GRIN2D: variants seen among roughly 807,000 people sequenced by gnomAD.
GRIN2D encodes the protein glutamate ionotropic receptor NMDA type subunit 2D, also known as glutamate receptor ionotropic, NMDA 2D.
Under a neutral mutation model 103.2 loss-of-function variants are expected in GRIN2D, and 37 were observed. That is an observed-to-expected ratio of 0.36 (90% CI 0.28 to 0.47). The LOEUF is 0.47. Ranked by LOEUF, GRIN2D falls within the 20% of genes least tolerant of loss-of-function variation. The pLI, the probability that GRIN2D is intolerant of heterozygous loss-of-function variation, is 1.00. For missense variants in GRIN2D, 1,557 were observed against 1,910.6 expected (o/e 0.81, Z 3.45); for synonymous variants, 845 against 885.6 (o/e 0.95, Z 0.81).
intron 2 of GRIN2D, among the ~76,000 whole-genome samples, chr19:48,396,898 C>G (rs1365395376): frequency 2.6e-5 from 4 of 152,102 alleles, no homozygotes; most frequent in Admixed American, 2.6e-4. Flanking sequence ...GCCCCTAGTG[C>G]GGACTCCAGT....
intron 11 of GRIN2D, among the ~76,000 whole-genome samples, chr19:48,433,001 G>T (rs1971177298): frequency 6.8e-6 from 1 of 148,110 alleles, no homozygotes; most frequent in Non-Finnish European, 1.5e-5. Flanking sequence ...ATGTTGGCCA[G>T]GCTGGTCTTG....
At chr19:48,429,834 C>T (rs1459497567) in intron 11 of GRIN2D, among the ~76,000 whole-genome samples, 2 of 151,694 alleles carry the variant, frequency 1.3e-5, no homozygotes, top group Non-Finnish European at 2.9e-5. Context: ...ACCAGGATTA[C>T]GGGCACGAGC....
intron 3 of GRIN2D, 76 bp downstream of exon 3, chr19:48,398,933 G>T (rs1970677162): frequency 8.2e-6 from 10 of 1,216,576 alleles, no homozygotes; most frequent in Admixed American, 4.3e-5. Context: ...GGGACAGCCA[G>T]CGGGGGCGGG....
chr19:48,419,402 CCA>C lies in GRIN2D; in HGVS notation c.1861+46_1861+47del, dbSNP rs772829796. Reference sequence around the variant, plus strand: ...CATCCCCCGCCTCGGAGATCCCGAACCACAGAGACAGAGAACTACATTTCCCA... The same window carrying C: ...CATCCCCCGCCTCGGAGATCCCGAACCAGAGACAGAGAACTACATTTCCCA... On this transcript the variant is annotated intron_variant, in intron 9 of 13. Transcript: ENST00000263269. 109 of 1,577,438 alleles carry C rather than the reference CCA, an allele frequency of 6.9e-5. No homozygotes were observed. The African/African-American group carries it at 8.9e-4, about 13-fold the overall frequency.
rs1436896466 is a variant in GRIN2D, at chr19:48,393,705, T to C, written c.-469T>C. On this transcript the variant is annotated 5_prime_UTR_variant, in exon 1 of 14. Transcript: ENST00000263269. The surrounding 1 kb of genome is among the most constrained non-coding windows in gnomAD (Gnocchi z 5.6). ...TGTGTGTGTGCGAGAACACAGCGAG[T>C]GTGTGAGTCCCTCCCGCTCCAGCTC... is the stretch of plus-strand genomic sequence containing the variant. Among the ~76,000 whole-genome samples the C allele has an allele frequency of 6.6e-6, 1 of 151,242 alleles. No individual in the cohort carries two copies. Among genetic ancestry groups the C allele is most frequent in the Non-Finnish European group, 1.5e-5 (1 of 67,814 alleles).
intron 8 of GRIN2D, among the ~76,000 whole-genome samples, chr19:48,417,198 C>T (rs998455772): frequency 2.0e-5 from 3 of 152,136 alleles, no homozygotes; most frequent in Non-Finnish European, 4.4e-5. Context: ...CAAGATGGCA[C>T]CACCGCACTC....
rs1292414095 is a variant in GRIN2D at position 48,405,849 on chromosome 19, A to G, written c.1085+496A>G. Among the ~76,000 whole-genome samples, 1 of 152,190 alleles carries G rather than the reference A, an allele frequency of 6.6e-6. No individual in the cohort carries two copies. Among genetic ancestry groups the G allele is most frequent in the Non-Finnish European group, 1.5e-5 (1 of 68,032 alleles). ...AGACTGCTGTTCCATGTGATCATTC[A>G]GGGACCCAGGATTCTCCCACACTGT... On this transcript the variant is annotated intron_variant, in intron 4 of 13. Coordinates refer to ENST00000263269, the MANE Select transcript of GRIN2D (RefSeq NM_000836.4). This position sits in a 1 kb window ranked among gnomAD's most constrained non-coding sequence, Gnocchi z 5.1.
chr19:48,404,117 A>G (rs1024938135), intron 3 of GRIN2D, among the ~76,000 whole-genome samples: 21 of 152,084 alleles, frequency 1.4e-4, no homozygotes, highest in Non-Finnish European at 2.9e-4. Flanking sequence ...GCGCACGCCT[A>G]TAGTCCCAGC....
In GRIN2D at chr19:48,398,601, G is replaced by A. The variant is rs1970671133; in HGVS notation, c.209G>A (p.Gly70Asp). The change falls in exon 3 of 14, where the codon GGC (glycine) becomes GAC (aspartate). Residue 70 changes from glycine to aspartate, a missense_variant. This residue lies in a region of GRIN2D where 490 missense variants were observed against 601.1 expected (regional missense o/e 0.82). Transcript: ENST00000263269. ...PAYAAEAARL[G>D]PAVAAAVRSP... ...TACGCGGCCGAGGCGGCACGCCTGG[G>A]CCCGGCCGTGGCGGCGGCGGTGCGC... The A allele has an allele frequency of 1.6e-6, 2 of 1,235,662 alleles. No individual in the cohort carries two copies. The highest frequency in any genetic ancestry group is 3.2e-4 in the Middle Eastern group (1 of 3,124). The allele number at this position is 1,235,662 out of a possible 1,614,324, so 76.5% of individuals were successfully genotyped here. A position where few individuals can be genotyped will look rare whatever the true frequency, so the allele number is the denominator to read the frequency against.
chr19:48,407,649 T>C (rs1455278120), intron 4 of GRIN2D, among the ~76,000 whole-genome samples: 1 of 152,204 alleles, frequency 6.6e-6, no homozygotes. Context: ...AAGTCTGCTA[T>C]GTGCCAAGCA....
chr19:48,413,798 G>A (rs1970907149), intron 4 of GRIN2D, among the ~76,000 whole-genome samples, 193 bp from the exon 5 acceptor site: 1 of 152,134 alleles, frequency 6.6e-6, no homozygotes, highest in African/African-American at 2.4e-5. Flanking sequence ...TTATCCTGGG[G>A]GGCACTGGGC....
chr19:48,404,297 GTATGGTGACTCGGGGTTTCAGGC>G (rs1050836375), intron 3 of GRIN2D, among the ~76,000 whole-genome samples: 6 of 150,320 alleles, frequency 4.0e-5, no homozygotes, highest in African/African-American at 7.4e-5. Context: ...GCTTTCCTCC[GTATGGTGACTCGGGGTTTCAGGC>G]TCTCACCCTC....
chr19:48,403,097 G>A (rs935724900), intron 3 of GRIN2D, among the ~76,000 whole-genome samples: 1 of 151,502 alleles, frequency 6.6e-6, no homozygotes, highest in African/African-American at 2.4e-5. Context: ...TACTCAGAAG[G>A]CTGAGGCAGG....
At chr19:48,399,524 T>C (rs1049296461) in intron 3 of GRIN2D, among the ~76,000 whole-genome samples, 1 of 152,008 alleles carries the variant, frequency 6.6e-6, no homozygotes, top group Non-Finnish European at 1.5e-5. Context: ...GCCGAGATCG[T>C]GCCACTGCAC....
At chr19:48,432,037 C>T (rs895727457) in intron 11 of GRIN2D, among the ~76,000 whole-genome samples, 3 of 132 alleles carry the variant, frequency 0.023, no homozygotes, top group South Asian at 0.17. Flanking sequence ...CTCAGCCTAC[C>T]GAGTAGCTGG....
At chr19:48,435,939 A>T (rs1179985400) in intron 11 of GRIN2D, among the ~76,000 whole-genome samples, 1 of 152,242 alleles carries the variant, frequency 6.6e-6, no homozygotes, top group African/African-American at 2.4e-5. Flanking sequence ...TATGGGTAAA[A>T]ATAGGGCAGG....
intron 4 of GRIN2D, among the ~76,000 whole-genome samples, chr19:48,411,130 C>T (rs970210856): frequency 2.0e-5 from 3 of 151,922 alleles, no homozygotes; most frequent in African/African-American, 7.3e-5. Flanking sequence ...ATCATCTGAG[C>T]TTGGGACATG....
intron 11 of GRIN2D, among the ~76,000 whole-genome samples, chr19:48,424,696 G>C (rs551976892): frequency 6.6e-6 from 1 of 152,186 alleles, no homozygotes; most frequent in East Asian, 1.9e-4. Context: ...TTTGATATCT[G>C]TGGCATTTTA....
chr19:48,412,391 GAGAAAGAAAAGAA>G (rs1459388488), intron 4 of GRIN2D, among the ~76,000 whole-genome samples: 1 of 128,162 alleles, frequency 7.8e-6, no homozygotes, highest in South Asian at 2.4e-4. Flanking sequence ...AAAGAAGAAA[GAGAAAGAAAAGAA>G]AGAAAGAAAG....
Sources: allele counts gnomAD v4.1 joint callset (sites outside exome capture counted in the v4.1 genomes callset), GRCh38; gene constraint gnomAD v4.1.1; regional missense constraint gnomAD v4.1.1; non-coding constraint Gnocchi (gnomAD v3.1); transcripts MANE v1.5; gene names NCBI Gene and HGNC (gene_info 2026-07-23, HGNC 2026-07-21).